Variants in MALRD1 observed in about 807,000 individuals in gnomAD.
MALRD1 encodes MAM and LDL-receptor class A domain-containing protein 1.
In MALRD1, 247 loss-of-function variants were observed where a neutral mutation model predicts 242.1. That is an observed-to-expected ratio of 1.02 (90% CI 0.92 to 1.13). The LOEUF (loss-of-function observed/expected upper bound fraction) is 1.13. Among genes scored for constraint, MALRD1 ranks in the 50% most tolerant of loss-of-function variants. The pLI is 0.00. For synonymous variants in MALRD1, 995 were observed against 866.6 expected, an observed-to-expected ratio of 1.15 and a Z score of -2.60; for missense variants, 2,989 against 2,533.1, an observed-to-expected ratio of 1.18 and a Z score of -3.86.
rs1835728326 is a variant in MALRD1 at position 19,087,913 on chromosome 10, A to C, written c.414A>C (p.Thr138=). Residue 138 remains threonine (T), a synonymous_variant, in exon 3 of 40, where the codon ACA becomes ACC. Coordinates refer to ENST00000454679, the MANE Select transcript of MALRD1 (RefSeq NM_001142308.3). ...TAAGAAGCAGAGTTTTCCTTCCAACAAATGATCAACATGACTGCCAGGTAT... is the reference window on the plus strand; with the variant it reads ...TAAGAAGCAGAGTTTTCCTTCCAACCAATGATCAACATGACTGCCAGGTAT... ...SSLRSRVFLP[T]NDQHDCQITF... The C allele has an allele frequency of 8.1e-7, 1 of 1,233,450 alleles. No homozygotes were observed. Among genetic ancestry groups the C allele is most frequent in the Admixed American group, 4.2e-5 (1 of 23,712 alleles). The allele number at this position is 1,233,450 out of a possible 1,614,324, so 76.4% of individuals were successfully genotyped here.
At chr10:19,149,831 A>T (rs930873621) in intron 11 of MALRD1, among the ~76,000 whole-genome samples, 2 of 152,132 alleles carry the variant, frequency 1.3e-5, no homozygotes, top group Admixed American at 1.3e-4. Flanking sequence ...CTGTGCCATT[A>T]TGTACTCAAT....
chr10:19,514,833 C>A (rs1043222841), intron 31 of MALRD1, among the ~76,000 whole-genome samples: 3 of 151,962 alleles, frequency 2.0e-5, no homozygotes, highest in Non-Finnish European at 4.4e-5. Context: ...AAAGGCAGAC[C>A]AATACTCCAA....
chr10:19,268,931 G>A (rs960050403), intron 19 of MALRD1, among the ~76,000 whole-genome samples: 9 of 152,140 alleles, frequency 5.9e-5, no homozygotes, highest in Admixed American at 3.3e-4. Context: ...AGATGTACAG[G>A]TAGTTTGGTT....
At chr10:19,643,331 A>T (rs925291616) in intron 36 of MALRD1, among the ~76,000 whole-genome samples, 10 of 152,116 alleles carry the variant, frequency 6.6e-5, no homozygotes, top group Non-Finnish European at 1.5e-4. Context: ...CTGTAATCCC[A>T]ACTACTCAGG....
chr10:19,447,359 T>C (rs1676575152), intron 28 of MALRD1, among the ~76,000 whole-genome samples: 1 of 152,216 alleles, frequency 6.6e-6, no homozygotes, highest in South Asian at 2.1e-4. Flanking sequence ...TTTGATATTA[T>C]GAAACAACAG....
At chr10:19,495,983 A>G (rs34475954) in intron 30 of MALRD1, among the ~76,000 whole-genome samples, 68,812 of 151,986 alleles carry the variant, frequency 0.45, 16,497 homozygotes, top group Non-Finnish European at 0.54. Context: ...CAATGACTGT[A>G]GATATGGTAA....
chr10:19,270,465 C>T (rs1304576061), intron 19 of MALRD1, among the ~76,000 whole-genome samples: 4 of 151,574 alleles, frequency 2.6e-5, no homozygotes, highest in African/African-American at 4.9e-5. Flanking sequence ...TATAACATAG[C>T]GTGCATTGAT....
intron 14 of MALRD1, among the ~76,000 whole-genome samples, chr10:19,185,094 G>T (rs892843251): frequency 6.6e-6 from 1 of 152,026 alleles, no homozygotes; most frequent in Admixed American, 6.6e-5. Flanking sequence ...GCTTTCTTTC[G>T]TTCCAAGAGA....
rs1333788683 is a variant in MALRD1 at position 19,238,343 on chromosome 10, TATACATAATATATA to T, written c.2992-19326_2992-19313del. 3.0e-4 allele frequency among the ~76,000 whole-genome samples: 22 copies of T among 72,790 alleles called. 1 individual carries two copies. The highest frequency in any genetic ancestry group is 1.2e-3 in the African/African-American group (18 of 14,516). The allele number at this position is 72,790 out of a possible 152,430, so 47.8% of individuals were successfully genotyped here. On this transcript the variant is annotated intron_variant, in intron 18 of 39. Coordinates refer to ENST00000454679, the MANE Select transcript of MALRD1 (RefSeq NM_001142308.3). ...ATAATGTATATTATACATAATATAT[TATACATAATATATA>T]ATACATAATATATATTATACATAAT...
chr10:19,450,597 T>C, intron 29 of MALRD1, 107 bp downstream of exon 29: 1 of 950,122 alleles, frequency 1.1e-6, no homozygotes, highest in East Asian at 2.7e-5. Context: ...TTTGTACACA[T>C]ACACAAATCA....
At chr10:19,599,717 G>C (rs1453598573) in intron 34 of MALRD1, among the ~76,000 whole-genome samples, 4 of 152,104 alleles carry the variant, frequency 2.6e-5, no homozygotes, top group Admixed American at 6.6e-5. Flanking sequence ...AAGAGTGGGG[G>C]GTTTTATCAC....
chr10:19,519,631 G>A (rs11010229), intron 31 of MALRD1, among the ~76,000 whole-genome samples: 20,987 of 151,774 alleles, frequency 0.14, 1,830 homozygotes, highest in East Asian at 0.22. Flanking sequence ...AGGTAGCCAG[G>A]TGTGTGCCTG....
At chr10:19,085,573 T>C (rs976009181) in intron 2 of MALRD1, among the ~76,000 whole-genome samples, 1 of 152,032 alleles carries the variant, frequency 6.6e-6, no homozygotes, top group Admixed American at 6.6e-5. Context: ...TACTATAACC[T>C]GAAGATTAAC....
intron 14 of MALRD1, among the ~76,000 whole-genome samples, chr10:19,178,359 A>G (rs2131550663): frequency 6.6e-6 from 1 of 152,328 alleles, no homozygotes; most frequent in South Asian, 2.1e-4. Flanking sequence ...ATTAGTAGTG[A>G]GCAGAAGTTT....
At chr10:19,520,746 G>A (rs546857345) in intron 31 of MALRD1, among the ~76,000 whole-genome samples, 2 of 151,674 alleles carry the variant, frequency 1.3e-5, no homozygotes, top group East Asian at 3.9e-4. Context: ...GTGATGTTTC[G>A]ACAACAAAAA....
intron 28 of MALRD1, among the ~76,000 whole-genome samples, chr10:19,436,642 C>G (rs1030644059): frequency 1.3e-5 from 2 of 152,098 alleles, no homozygotes; most frequent in Non-Finnish European, 2.9e-5. Context: ...TCTCATTTCC[C>G]CATTTTCCTA....
intron 14 of MALRD1, among the ~76,000 whole-genome samples, chr10:19,199,419 C>T (rs1410607907): frequency 6.6e-6 from 1 of 152,134 alleles, no homozygotes; most frequent in Non-Finnish European, 1.5e-5. Flanking sequence ...CCTTTGCCAT[C>T]AGGTTTGGGT....
intron 33 of MALRD1, among the ~76,000 whole-genome samples, chr10:19,586,756 A>C (rs1261168595): frequency 6.6e-6 from 1 of 152,238 alleles, no homozygotes; most frequent in Non-Finnish European, 1.5e-5. Flanking sequence ...GGCTCCACCC[A>C]GTTCCAGCTT....
intron 2 of MALRD1, among the ~76,000 whole-genome samples, chr10:19,084,985 C>G (rs769657575): frequency 7.2e-5 from 11 of 151,900 alleles, no homozygotes; most frequent in African/African-American, 1.7e-4. Flanking sequence ...ATCATGTAAA[C>G]AAGCTATAAT....
Sources: gnomAD v4.1 joint callset for allele counts (sites outside exome capture counted in the v4.1 genomes callset) on GRCh38, gnomAD v4.1.1 for gene constraint, MANE v1.5 for transcripts, NCBI Gene and HGNC (gene_info 2026-07-23, HGNC 2026-07-21) for gene names.